Variants in PAPPA2 observed in about 807,000 individuals in gnomAD.
The protein encoded by PAPPA2 is pappalysin 2.
PAPPA2 carries 86 observed loss-of-function variants against 176.4 expected under a neutral mutation model. That is an observed-to-expected ratio of 0.49 (90% confidence interval 0.41 to 0.58). The LOEUF (loss-of-function observed/expected upper bound fraction) is 0.58, where lower values mean the gene tolerates loss of function less well. Among genes scored for constraint, PAPPA2 ranks in the 20% least tolerant of loss-of-function variants. The pLI, the probability that PAPPA2 is intolerant of heterozygous loss-of-function variation, is 0.00. For missense variants in PAPPA2, 2,073 were observed against 2,256.9 expected (o/e 0.92, Z 1.65); for synonymous variants, 809 against 852.2 (o/e 0.95, Z 0.88).
chr1:176,703,629 A>G (rs915247403), intron 9 of PAPPA2, among the ~76,000 whole-genome samples: 1 of 152,202 alleles, frequency 6.6e-6, no homozygotes, highest in African/African-American at 2.4e-5. Context: ...ATGGGAATCA[A>G]TTCTGTAGGC....
chr1:176,705,501 G>A (rs1472382762), intron 9 of PAPPA2, among the ~76,000 whole-genome samples: 1 of 152,012 alleles, frequency 6.6e-6, no homozygotes, highest in African/African-American at 2.4e-5. Flanking sequence ...TAAAATATAT[G>A]TCCATTTTGA....
At chr1:176,674,087 AT>A (rs1659157543) in intron 4 of PAPPA2, among the ~76,000 whole-genome samples, 1 of 152,106 alleles carries the variant, frequency 6.6e-6, no homozygotes. Flanking sequence ...CACATAGAAA[AT>A]AACTTCTAAG....
chr1:176,724,994 C>T (rs1167387720), intron 12 of PAPPA2, among the ~76,000 whole-genome samples: 1 of 152,056 alleles, frequency 6.6e-6, no homozygotes, highest in Non-Finnish European at 1.5e-5. Context: ...TCTCTCTACA[C>T]CAGGGTTTTG....
At chr1:176,840,005 AT>A (rs771395303) in intron 21 of PAPPA2, among the ~76,000 whole-genome samples, 167 bp from the exon 22 acceptor site, 1 of 151,984 alleles carries the variant, frequency 6.6e-6, no homozygotes, top group Non-Finnish European at 1.5e-5. Context: ...TGGTCTTGAG[AT>A]TTTTTCAACT....
intron 2 of PAPPA2, among the ~76,000 whole-genome samples, chr1:176,570,990 G>A (rs2102613412): frequency 6.6e-6 from 1 of 152,166 alleles, no homozygotes; most frequent in South Asian, 2.1e-4. Context: ...GCTTAGCAGT[G>A]GAAGCCTTCA....
At position 176,746,118 on chromosome 1, in the gene PAPPA2, G is replaced by A. The variant is rs569652653; in HGVS notation, c.4151+5922G>A. ...CACACATGGCTGGAGAAGCAAGGAC[G>A]GGAAAGCACATAGGAATGAAGGCAA... On this transcript the variant is annotated intron_variant, in intron 14 of 22. Transcript: ENST00000367662. Among the ~76,000 whole-genome samples, 33 of 152,312 alleles carry A rather than the reference G, an allele frequency of 2.2e-4. 1 individual carries two copies. The highest frequency in any genetic ancestry group is 7.2e-4 in the African/African-American group (30 of 41,570).
intron 1 of PAPPA2, among the ~76,000 whole-genome samples, chr1:176,536,486 C>T (rs190274720): frequency 2.0e-5 from 3 of 152,194 alleles, no homozygotes; most frequent in African/African-American, 7.2e-5. Flanking sequence ...CTGACCTTGG[C>T]TAGACTAGTT....
At chr1:176,613,054 TTG>T (rs1655020112) in intron 3 of PAPPA2, among the ~76,000 whole-genome samples, 1 of 152,204 alleles carries the variant, frequency 6.6e-6, no homozygotes, top group Non-Finnish European at 1.5e-5. Flanking sequence ...CTTGATCTTC[TTG>T]ATGAAGAAGG....
In PAPPA2 at chr1:176,844,021, T is replaced by C. The variant is rs1275583428; in HGVS notation, c.*1567T>C. 3 of 152,132 alleles carry C rather than the reference T, an allele frequency of 2.0e-5. No homozygotes were observed. The highest frequency in any genetic ancestry group is 7.2e-5 in the African/African-American group (3 of 41,434). 9.4% of individuals were successfully genotyped at this position (152,132 alleles called of 1,614,324 possible). A position where few individuals can be genotyped will look rare whatever the true frequency, so the allele number is the denominator to read the frequency against. On this transcript the variant is annotated 3_prime_UTR_variant, in exon 23 of 23. Coordinates refer to ENST00000367662, the MANE Select transcript of PAPPA2 (RefSeq NM_020318.3). ...ACATGAAATGACCATATTAAGCCTC[T>C]CTCTATTTACATCCCAGGCTCACTG... is the stretch of plus-strand genomic sequence containing the variant.
intron 3 of PAPPA2, among the ~76,000 whole-genome samples, chr1:176,668,003 C>A (rs779499570): frequency 6.6e-6 from 1 of 152,072 alleles, no homozygotes; most frequent in Non-Finnish European, 1.5e-5. Flanking sequence ...AGAGAGAATG[C>A]ACTAAGGCTG....
intron 1 of PAPPA2, among the ~76,000 whole-genome samples, chr1:176,515,399 T>A (rs1475735702): frequency 6.6e-6 from 1 of 152,032 alleles, no homozygotes; most frequent in Non-Finnish European, 1.5e-5. Context: ...AGCAATACAG[T>A]CCCCATATGA....
At chr1:176,807,558 C>T (rs759153451) in intron 21 of PAPPA2, among the ~76,000 whole-genome samples, 13 of 148,696 alleles carry the variant, frequency 8.7e-5, no homozygotes, top group South Asian at 4.2e-4. Context: ...TGCAGTGGTG[C>T]GGTCTTGGCT....
intron 1 of PAPPA2, among the ~76,000 whole-genome samples, chr1:176,513,360 T>C (rs945136903): frequency 6.6e-6 from 1 of 152,116 alleles, no homozygotes; most frequent in African/African-American, 2.4e-5. Context: ...TTTTCTTTCA[T>C]TTTTCTTTTT....
intron 15 of PAPPA2, among the ~76,000 whole-genome samples, chr1:176,768,697 T>G (rs1335071942): frequency 6.6e-6 from 1 of 152,194 alleles, no homozygotes; most frequent in Non-Finnish European, 1.5e-5. Flanking sequence ...GGACAGGACC[T>G]GGCCCTCTTA....
chr1:176,834,315 C>T (rs1317030461), intron 21 of PAPPA2, among the ~76,000 whole-genome samples: 15 of 152,134 alleles, frequency 9.9e-5, no homozygotes, highest in Admixed American at 9.8e-4. Context: ...CTGCATAAGC[C>T]ATCTTGATAT....
At chr1:176,666,000 C>T (rs564384713) in intron 3 of PAPPA2, among the ~76,000 whole-genome samples, 5 of 152,018 alleles carry the variant, frequency 3.3e-5, no homozygotes, top group African/African-American at 7.3e-5. Context: ...GGGAGTTGTT[C>T]GAATAGTGAC....
intron 14 of PAPPA2, among the ~76,000 whole-genome samples, chr1:176,742,151 T>C (rs1422185412): frequency 6.6e-6 from 1 of 152,258 alleles, no homozygotes; most frequent in Non-Finnish European, 1.5e-5. Flanking sequence ...TTGTTGTTCT[T>C]TCTCATTAAA....
At position 176,793,660 on chromosome 1, in the gene PAPPA2, C is replaced by A; in HGVS notation, c.5121C>A (p.Val1707=). Residue 1707 remains valine, a synonymous_variant, in exon 20 of 23, where the codon GTC becomes GTA. Coordinates refer to ENST00000367662, the MANE Select transcript of PAPPA2 (RefSeq NM_020318.3). ...ADTLEHWMEP[V]KVQSIVCTGR... ...CTCTGGAGCACTGGATGGAACCTGT[C>A]AAAGTCCAGGTGAGGAAAGGGACAT... 6.2e-7 allele frequency: 1 copy of A among 1,603,548 alleles called. No individual in the cohort carries two copies. Among genetic ancestry groups the A allele is most frequent in the South Asian group, 1.1e-5 (1 of 90,108 alleles).
At chr1:176,688,968 G>C (rs1417186435) in intron 4 of PAPPA2, among the ~76,000 whole-genome samples, 2 of 152,194 alleles carry the variant, frequency 1.3e-5, no homozygotes, top group Non-Finnish European at 2.9e-5. Flanking sequence ...GCTATACTCA[G>C]AAGACTATTG....
Sources: gnomAD v4.1 joint callset for allele counts (sites outside exome capture counted in the v4.1 genomes callset) on GRCh38, gnomAD v4.1.1 for gene constraint, MANE v1.5 for transcripts, NCBI Gene and HGNC (gene_info 2026-07-23, HGNC 2026-07-21) for gene names.